SLC35G1: variants seen among roughly 807,000 people sequenced by gnomAD.
The protein encoded by SLC35G1 is partner of STIM1.
In SLC35G1, 10 loss-of-function variants were observed where a neutral mutation model predicts 17.1. The ratio of observed to expected loss-of-function variants is 0.59; its 90% CI spans 0.36 to 0.99. The LOEUF (loss-of-function observed/expected upper bound fraction) is 0.99, where lower values mean the gene tolerates loss of function less well. Ranked by LOEUF, SLC35G1 falls within the 50% of genes least tolerant of loss-of-function variation. SLC35G1 has a pLI of 0.01. For missense variants in SLC35G1, 433 were observed against 468.4 expected (o/e 0.92, Z 0.70); for synonymous variants, 185 against 181.1 (o/e 1.02, Z -0.18).
At chr10:93,895,470 T>G (rs2060321414) in intron 1 of SLC35G1, among the ~76,000 whole-genome samples, 1 of 152,188 alleles carries the variant, frequency 6.6e-6, no homozygotes, top group Non-Finnish European at 1.5e-5. Context: ...ACTCTTAAAG[T>G]TTCCCCTTTT....
chr10:93,895,185 C>T lies in SLC35G1; in HGVS notation c.178+974C>T, dbSNP rs570744098. Among the ~76,000 whole-genome samples, 6 of 152,306 alleles carry T rather than the reference C, an allele frequency of 3.9e-5. No individual in the cohort carries two copies. The South Asian group carries it at 1.2e-3, about 32-fold the overall frequency. On this transcript the variant is annotated intron_variant, in intron 1 of 2. Coordinates refer to ENST00000427197, the MANE Select transcript of SLC35G1 (RefSeq NM_001134658.3). ...CTAAGTGTGACCCTGGATTTCTGTTCCTCTCCTCTCACTGCGCTTTCCCCT... is the reference window on the plus strand; with the variant it reads ...CTAAGTGTGACCCTGGATTTCTGTTTCTCTCCTCTCACTGCGCTTTCCCCT...
chr10:93,894,517 C>A (rs916083185), intron 1 of SLC35G1, among the ~76,000 whole-genome samples: 3 of 152,060 alleles, frequency 2.0e-5, no homozygotes, highest in Non-Finnish European at 4.4e-5. Flanking sequence ...GCGTACCCTC[C>A]CCTAGGTCGT....
In SLC35G1 at chr10:93,894,028, C is replaced by T. The variant is rs759637134; in HGVS notation, c.-6C>T. The T allele has an allele frequency of 6.4e-6, 9 of 1,415,530 alleles. No individual in the cohort carries two copies. In the African/African-American group the frequency reaches 9.0e-5, roughly 14 times the overall value. The allele number at this position is 1,415,530 out of a possible 1,614,324, so 87.7% of individuals were successfully genotyped here. On this transcript the variant is annotated 5_prime_UTR_variant, in exon 1 of 3. Coordinates refer to ENST00000427197, the MANE Select transcript of SLC35G1 (RefSeq NM_001134658.3). Reference sequence around the variant, plus strand: ...CACCGGCCGCTGGTAGAGCGCGTGCCGCGAGATGCGGCCTCAGGACAGCAC... The same window carrying T: ...CACCGGCCGCTGGTAGAGCGCGTGCTGCGAGATGCGGCCTCAGGACAGCAC...
rs1342407915 is a variant in SLC35G1, at chr10:93,898,702, C to T, written c.310C>T (p.Arg104Ter). Residue 104 changes from arginine to a stop codon, truncating the protein, a stop_gained, in exon 2 of 3, where the codon CGA (arginine) becomes TGA (stop). Transcript: ENST00000427197. LOFTEE classifies it high-confidence loss of function. Reference sequence around the variant, plus strand: ...CCATGCTGTAGAGATTAGTGCGTTTCGATGTGTGTTCCAAATGCTAGTTGT... The same window carrying T: ...CCATGCTGTAGAGATTAGTGCGTTTTGATGTGTGTTCCAAATGCTAGTTGT... ...DVHAVEISAF[R>*]CVFQMLVVIP... The T allele has an allele frequency of 1.9e-6, 3 of 1,612,322 alleles. No homozygotes were observed. The highest frequency in any genetic ancestry group is 2.2e-5 in the East Asian group (1 of 44,862).
rs952256941 is a variant in SLC35G1 at position 93,894,833 on chromosome 10, T to C, written c.178+622T>C. Among the ~76,000 whole-genome samples the C allele has an allele frequency of 5.3e-5, 8 of 152,160 alleles. 1 individual carries two copies. Among genetic ancestry groups the C allele is most frequent in the African/African-American group, 1.4e-4 (6 of 41,436 alleles). On this transcript the variant is annotated intron_variant, in intron 1 of 2. Transcript: ENST00000427197. The stretch of plus-strand genomic sequence containing the variant: ...GGGACCCCTCGTGAAGAACACTTTA[T>C]GTTCAGTCCCCCTCCTTCGACACAT...
In SLC35G1 at chr10:93,902,622, G is replaced by A. The variant is rs1019573831; in HGVS notation, c.*1132G>A. Reference sequence around the variant, plus strand: ...GTATTAAACTTATTTTTATAGTTATGAAATTATGTGTAATAATGCTTTATG... The same window carrying A: ...GTATTAAACTTATTTTTATAGTTATAAAATTATGTGTAATAATGCTTTATG... On this transcript the variant is annotated 3_prime_UTR_variant, in exon 3 of 3. Coordinates refer to ENST00000427197, the MANE Select transcript of SLC35G1 (RefSeq NM_001134658.3). 5 of 152,506 alleles carry A rather than the reference G, an allele frequency of 3.3e-5. No homozygotes were observed. The highest frequency in any genetic ancestry group is 7.2e-5 in the African/African-American group (3 of 41,410). The allele number at this position is 152,506 out of a possible 1,614,324, so 9.4% of individuals were successfully genotyped here. A position where few individuals can be genotyped will look rare whatever the true frequency, so the allele number is the denominator to read the frequency against.
At chr10:93,908,825 G>C (rs1421422924) in exon 3 of SLC35G1, 1 of 152,142 alleles carries the variant, frequency 6.6e-6, no homozygotes, top group Non-Finnish European at 1.5e-5. Flanking sequence ...CGGCCTCCAA[G>C]CAGGAAAGAA....
At position 93,903,475 on chromosome 10, in the gene SLC35G1, T is replaced by C. The variant is rs2060409074; in HGVS notation, c.*1985T>C. 1 of 152,198 alleles carries C rather than the reference T, an allele frequency of 6.6e-6. No homozygotes were observed. The highest frequency in any genetic ancestry group is 1.5e-5 in the Non-Finnish European group (1 of 68,042). The allele number at this position is 152,198 out of a possible 1,614,324, so 9.4% of individuals were successfully genotyped here. A position where few individuals can be genotyped will look rare whatever the true frequency, so the allele number is the denominator to read the frequency against. On this transcript the variant is annotated 3_prime_UTR_variant, in exon 3 of 3. Coordinates refer to ENST00000427197, the MANE Select transcript of SLC35G1 (RefSeq NM_001134658.3). ...ACTACTTGAGCTACCTAAGGTGAAT[T>C]AACTCTCAGGGAACCCTCTTCCAGT...
At position 93,900,820 on chromosome 10, in the gene SLC35G1, C is replaced by T. The variant is rs746701518; in HGVS notation, c.428C>T (p.Ala143Val). Residue 143 changes from alanine to valine, a missense_variant, in exon 3 of 3, where the codon GCC becomes GTC. Transcript: ENST00000427197. ...CTCAGAGGAGTCCTTGGTTCTACCG[C>T]CATGATGCTTATATACTATGCTTAC... ...LILRGVLGST[A>V]MMLIYYAYQT... is the part of the protein sequence containing the mutation. 1 of 1,613,886 alleles carries T rather than the reference C, an allele frequency of 6.2e-7. No individual in the cohort carries two copies. Among genetic ancestry groups the T allele is most frequent in the Admixed American group, 1.7e-5 (1 of 60,000 alleles).
rs1023255837 is a variant in SLC35G1, at chr10:93,901,726, G to A, written c.*236G>A. ...GGTTTTTTTTGTTGTTGTTGTTGGG[G>A]TCAAGTTGGTGAGAGGAGAGCTCAT... On this transcript the variant is annotated 3_prime_UTR_variant, in exon 3 of 3. Transcript: ENST00000427197. 7.7e-6 allele frequency: 3 copies of A among 388,520 alleles called. No individual in the cohort carries two copies. Among genetic ancestry groups the A allele is most frequent in the Non-Finnish European group, 1.3e-5 (3 of 223,094 alleles). The allele number at this position is 388,520 out of a possible 1,614,324, so 24.1% of individuals were successfully genotyped here. A position where few individuals can be genotyped will look rare whatever the true frequency, so the allele number is the denominator to read the frequency against.
intron 1 of SLC35G1, among the ~76,000 whole-genome samples, chr10:93,898,145 AC>A (rs2060348132): frequency 6.6e-6 from 1 of 152,180 alleles, no homozygotes; most frequent in South Asian, 2.1e-4. Context: ...CCCAATTATA[AC>A]CCATTTTCCA....
chr10:93,894,255 C>A, intron 1 of SLC35G1, 44 bp downstream of exon 1: 1 of 1,299,112 alleles, frequency 7.7e-7, no homozygotes, highest in South Asian at 2.2e-5. Flanking sequence ...GCTCGGGGGT[C>A]CCGAGCGGGC....
chr10:93,901,629 T>C lies in SLC35G1; in HGVS notation c.*139T>C. The C allele has an allele frequency of 1.0e-6, 1 of 973,250 alleles. No homozygotes were observed. The highest frequency in any genetic ancestry group is 1.4e-6 in the Non-Finnish European group (1 of 706,956). The allele number at this position is 973,250 out of a possible 1,614,324, so 60.3% of individuals were successfully genotyped here. A position where few individuals can be genotyped will look rare whatever the true frequency, so the allele number is the denominator to read the frequency against. On this transcript the variant is annotated 3_prime_UTR_variant, in exon 3 of 3. Coordinates refer to ENST00000427197, the MANE Select transcript of SLC35G1 (RefSeq NM_001134658.3). ...TTGCCTAAAGTACCATTTTTGAATA[T>C]AGTATGTCTTTAGTTAAGAATAGCT...
At chr10:93,907,438 A>G (rs2060435942), downstream of SLC35G1, 1 of 152,216 alleles carries the variant, frequency 6.6e-6, no homozygotes, top group South Asian at 2.1e-4. Flanking sequence ...AATAGCAAGA[A>G]GAAATGGAAC....
rs2060403167 is a variant in SLC35G1, at chr10:93,902,919, T to C, written c.*1429T>C. The stretch of plus-strand genomic sequence containing the variant: ...TCAGGACTTAGGGAGTATACATAAA[T>C]GGTTACTTGTTGTAATGAGCCCTTT... On this transcript the variant is annotated 3_prime_UTR_variant, in exon 3 of 3. Transcript: ENST00000427197. The C allele has an allele frequency of 6.6e-6, 1 of 152,368 alleles. No individual in the cohort carries two copies. The highest frequency in any genetic ancestry group is 2.1e-4 in the South Asian group (1 of 4,830). The allele number at this position is 152,368 out of a possible 1,614,324, so 9.4% of individuals were successfully genotyped here. A position where few individuals can be genotyped will look rare whatever the true frequency, so the allele number is the denominator to read the frequency against.
chr10:93,894,282 C>T, intron 1 of SLC35G1, 71 bp downstream of exon 1: 3 of 1,276,390 alleles, frequency 2.4e-6, no homozygotes, highest in Non-Finnish European at 3.0e-6. Context: ...GGGTTGGGGT[C>T]CCCGCAACCC....
chr10:93,901,512 A>AT lies in SLC35G1; in HGVS notation c.*29dup. 1.3e-6 allele frequency: 2 copies of AT among 1,556,814 alleles called. No homozygotes were observed. On this transcript the variant is annotated 3_prime_UTR_variant, in exon 3 of 3. Coordinates refer to ENST00000427197, the MANE Select transcript of SLC35G1 (RefSeq NM_001134658.3). ...ATGAAGCATCATTGCTGAAATACAT[A>AT]TTTTTTTCAAGTACACCATCACCTA...
At chr10:93,894,274 G>T in intron 1 of SLC35G1, 63 bp downstream of exon 1, 2 of 1,295,998 alleles carry the variant, frequency 1.5e-6, no homozygotes, top group Non-Finnish European at 2.0e-6. Flanking sequence ...GCGCCGGCGG[G>T]TTGGGGTCCC....
Position 93,898,604 on chromosome 10 carries a change from G to C in SLC35G1, c.212G>C (p.Gly71Ala), listed in dbSNP as rs1167476749. ...AKKKAPCPGLGLFYTLLSAFL... is the reference protein window; with the variant it reads ...AKKKAPCPGLALFYTLLSAFL... ...AAGAAAGCACCCTGTCCTGGACTTG[G>C]CTTGTTTTACACATTATTGTCTGCC... Residue 71 changes from glycine (G) to alanine (A), a missense_variant, in exon 2 of 3, where the codon GGC (glycine) becomes GCC (alanine). Physicochemically the swap from Gly to Ala is moderately conservative, Grantham distance 60. Transcript: ENST00000427197. 7 of 1,609,988 alleles carry C rather than the reference G, an allele frequency of 4.3e-6. No individual in the cohort carries two copies. The highest frequency in any genetic ancestry group is 5.9e-6 in the Non-Finnish European group (7 of 1,178,958).
Sources: allele counts gnomAD v4.1 joint callset (sites outside exome capture counted in the v4.1 genomes callset), GRCh38; gene constraint gnomAD v4.1.1; transcripts MANE v1.5; gene names NCBI Gene and HGNC (gene_info 2026-07-23, HGNC 2026-07-21).